The following PAM variants were observed in gnomAD, a reference collection of about 807,000 sequenced individuals.
PAM encodes peptidylglycine alpha-amidating monooxygenase, also known as peptidyl-glycine alpha-amidating monooxygenase.
Under a neutral mutation model 122.1 loss-of-function variants are expected in PAM, and 72 were observed. The ratio of observed to expected loss-of-function variants is 0.59; its 90% CI spans 0.49 to 0.72. The LOEUF (loss-of-function observed/expected upper bound fraction) is 0.72, where lower values mean the gene tolerates loss of function less well. PAM is among the 30% of genes least tolerant of loss of function. PAM has a pLI of 0.00. For synonymous variants in PAM, 389 were observed against 404.4 expected, an observed-to-expected ratio of 0.96 and a Z score of 0.46; for missense variants, 1,106 against 1,183.7, an observed-to-expected ratio of 0.93 and a Z score of 0.96.
intron 15 of PAM, among the ~76,000 whole-genome samples, chr5:102,985,973 A>G (rs1470913414): frequency 6.6e-6 from 1 of 152,228 alleles, no homozygotes; most frequent in Non-Finnish European, 1.5e-5. Flanking sequence ...AACAGAATGA[A>G]GGACAAAAAC....
intron 1 of PAM, among the ~76,000 whole-genome samples, chr5:102,852,365 C>CT (rs918058880): frequency 1.3e-5 from 2 of 151,966 alleles, no homozygotes; most frequent in African/African-American, 4.8e-5. Flanking sequence ...AATATGATCT[C>CT]TATCAAATGT....
At chr5:102,777,063 G>T (rs1308582871) in intron 1 of PAM, among the ~76,000 whole-genome samples, 1 of 151,940 alleles carries the variant, frequency 6.6e-6, no homozygotes, top group East Asian at 1.9e-4. Flanking sequence ...GGAATTCAGG[G>T]ATATTTGTAT....
intron 15 of PAM, among the ~76,000 whole-genome samples, chr5:102,989,003 G>A (rs1773125012): frequency 6.6e-6 from 1 of 152,122 alleles, no homozygotes; most frequent in Non-Finnish European, 1.5e-5. Context: ...TTCACTGCAT[G>A]TTGCCACATC....
chr5:102,822,883 C>T (rs1772420861), intron 1 of PAM, among the ~76,000 whole-genome samples: 1 of 150,302 alleles, frequency 6.7e-6, no homozygotes, highest in Admixed American at 6.6e-5. Context: ...ACACAGACTC[C>T]TGCTACACAT....
chr5:102,974,390 G>A lies in PAM; in HGVS notation c.1437G>A (p.Gln479=). 6.2e-7 allele frequency: 1 copy of A among 1,613,964 alleles called. No homozygotes were observed. Among genetic ancestry groups the A allele is most frequent in the Non-Finnish European group, 8.5e-7 (1 of 1,179,896 alleles). The stretch of plus-strand genomic sequence containing the variant: ...CAGAGAGCAGAGTTTTCTCATTACA[G>A]CAGCCCCCACCTGGTGAAGGCACCT... ...RPPESRVFSL[Q]QPPPGEGTWE... The change falls in exon 15 of 26, where the codon CAG becomes CAA. Residue 479 remains glutamine (Q), a synonymous_variant. Coordinates refer to ENST00000438793, the MANE Select transcript of PAM (RefSeq NM_001177306.2).
intron 1 of PAM, among the ~76,000 whole-genome samples, chr5:102,855,444 T>C (rs1294198649): frequency 1.3e-5 from 2 of 152,104 alleles, no homozygotes; most frequent in Admixed American, 6.5e-5. Flanking sequence ...CATTTGAAAA[T>C]ACAACTATGC....
chr5:103,027,024 T>G (rs1331181554), intron 24 of PAM, among the ~76,000 whole-genome samples: 1 of 152,192 alleles, frequency 6.6e-6, no homozygotes, highest in East Asian at 1.9e-4. Context: ...AAAATTGCCA[T>G]TATTTGACCG....
chr5:102,858,850 T>G (rs1236950353), intron 1 of PAM, among the ~76,000 whole-genome samples: 2 of 152,212 alleles, frequency 1.3e-5, no homozygotes, highest in African/African-American at 4.8e-5. Flanking sequence ...GTCACATGCC[T>G]CATAATGATG....
intron 1 of PAM, among the ~76,000 whole-genome samples, chr5:102,763,405 C>A (rs1382713481): frequency 6.6e-6 from 1 of 152,080 alleles, no homozygotes; most frequent in Non-Finnish European, 1.5e-5. Flanking sequence ...CCCCAGAGAT[C>A]CAATAATGAG....
At chr5:102,929,191 T>C (rs1228474470) in intron 7 of PAM, among the ~76,000 whole-genome samples, 2 of 152,178 alleles carry the variant, frequency 1.3e-5, no homozygotes, top group Non-Finnish European at 2.9e-5. Context: ...CCAGTTAGTG[T>C]ACTGCACTCC....
chr5:103,023,841 A>C (rs767907678), intron 23 of PAM, among the ~76,000 whole-genome samples: 1 of 152,160 alleles, frequency 6.6e-6, no homozygotes, highest in African/African-American at 2.4e-5. Flanking sequence ...GATATCACTG[A>C]GACTGTCAAA....
At chr5:102,863,631 GTT>G (rs779776288) in intron 1 of PAM, among the ~76,000 whole-genome samples, 3 of 138,142 alleles carry the variant, frequency 2.2e-5, no homozygotes, top group Non-Finnish European at 3.2e-5. Flanking sequence ...GAAACTAAGG[GTT>G]TTTTTTTTTT....
chr5:102,838,992 C>G (rs1436869544), intron 1 of PAM, among the ~76,000 whole-genome samples: 1 of 152,090 alleles, frequency 6.6e-6, no homozygotes, highest in Non-Finnish European at 1.5e-5. Flanking sequence ...TCCTAGAAAT[C>G]TTTAAAGAAA....
chr5:102,960,081 A>G (rs777445172), intron 13 of PAM, 22 bp downstream of exon 13: 33 of 1,287,234 alleles, frequency 2.6e-5, no homozygotes, highest in Non-Finnish European at 3.1e-5. Context: ...TGTTTAATAT[A>G]AAGTAATATA....
At chr5:102,898,846 C>G (rs1027422201) in intron 3 of PAM, among the ~76,000 whole-genome samples, 2 of 151,630 alleles carry the variant, frequency 1.3e-5, no homozygotes, top group Non-Finnish European at 3.0e-5. Flanking sequence ...CTTTAATAAC[C>G]TGGTACAAAT....
At chr5:102,781,193 G>T (rs1029990203) in intron 1 of PAM, among the ~76,000 whole-genome samples, 1 of 152,092 alleles carries the variant, frequency 6.6e-6, no homozygotes, top group Non-Finnish European at 1.5e-5. Flanking sequence ...AGTAAGAAAA[G>T]CTTTTAATAA....
At chr5:102,868,394 C>A (rs555911053) in intron 3 of PAM, among the ~76,000 whole-genome samples, 19 of 152,154 alleles carry the variant, frequency 1.2e-4, no homozygotes, top group South Asian at 2.1e-4. Flanking sequence ...AATTGGCATT[C>A]ATTTATTTGA....
At chr5:102,820,405 T>C (rs140419458) in intron 1 of PAM, among the ~76,000 whole-genome samples, 1 of 152,296 alleles carries the variant, frequency 6.6e-6, no homozygotes, top group Non-Finnish European at 1.5e-5. Flanking sequence ...AACTGTTAGA[T>C]TATGATAAAT....
chr5:103,009,949 T>C, intron 21 of PAM, 83 bp downstream of exon 21: 1 of 583,002 alleles, frequency 1.7e-6, no homozygotes, highest in Non-Finnish European at 2.8e-6. Flanking sequence ...TGTACTTGAA[T>C]AGCTTTAGAA....
Sources: gnomAD v4.1 joint callset for allele counts (sites outside exome capture counted in the v4.1 genomes callset) on GRCh38, gnomAD v4.1.1 for gene constraint, MANE v1.5 for transcripts, NCBI Gene and HGNC (gene_info 2026-07-23, HGNC 2026-07-21) for gene names.